The following TP53BP1 variants were observed in gnomAD, a reference collection of about 807,000 sequenced individuals.
The protein encoded by TP53BP1 is TP53-binding protein 1.
A neutral mutation model predicts 200.8 loss-of-function variants in TP53BP1; 61 were observed. The observed-to-expected ratio is 0.30, with a 90% CI of 0.25 to 0.38. The LOEUF is 0.38. TP53BP1 is among the 10% of genes least tolerant of loss of function. The probability of loss-of-function intolerance (pLI) is 1.00; values close to 1 mark genes in which losing one functional copy is unlikely to be tolerated. For synonymous variants in TP53BP1, 822 were observed against 844.3 expected (o/e 0.97, Z 0.46); for missense variants, 2,144 against 2,371.9 (o/e 0.90, Z 2.00).
chr15:43,412,578 G>C, intron 24 of TP53BP1: 1 of 432,466 alleles, frequency 2.3e-6, no homozygotes, highest in East Asian at 7.1e-5. Context: ...AGGTATAAGA[G>C]TTGAAAAGGC....
chr15:43,492,378 T>G lies in TP53BP1; in HGVS notation c.98A>C (p.Glu33Ala). Residue 33 changes from glutamate to alanine, a missense_variant, in exon 2 of 28, where the codon GAA (glutamate) becomes GCA (alanine). Around this residue, in one of 4 missense-constraint regions of TP53BP1, gnomAD observed 1,700 missense variants for 1,710.3 expected, o/e 0.99. Transcript: ENST00000382044. The part of the protein sequence containing the change: ...PCLIIEDSQP[E>A]SQVLEDDSGS... Reference sequence around the variant, plus strand: ...AGAATCATCCTCTAGAACCTGGCTTTCAGGCTGAGAATCTTCAATTATCAG... The same window carrying G: ...AGAATCATCCTCTAGAACCTGGCTTGCAGGCTGAGAATCTTCAATTATCAG... 1 of 1,614,140 alleles carries G rather than the reference T, an allele frequency of 6.2e-7. No individual in the cohort carries two copies. The highest frequency in any genetic ancestry group is 1.3e-5 in the African/African-American group (1 of 75,054).
Position 43,421,148 on chromosome 15 carries a change from C to T in TP53BP1, c.4127G>A (p.Gly1376Glu). The T allele has an allele frequency of 6.2e-7, 1 of 1,614,178 alleles. No homozygotes were observed. The highest frequency in any genetic ancestry group is 1.3e-5 in the African/African-American group (1 of 75,048). ...LSPRKGVSQT[G>E]TPVCEEDGDA... ...ACCATCCTCCTCACACACTGGCGTCCCTGTCTGACTGACCCCTTTTCTAGG... is the reference window on the plus strand; with the variant it reads ...ACCATCCTCCTCACACACTGGCGTCTCTGTCTGACTGACCCCTTTTCTAGG... Residue 1376 changes from glycine (G) to glutamate (E), a missense_variant, in exon 20 of 28, where the codon GGG becomes GAG. By Grantham distance (98) the Gly-to-Glu change is moderately conservative (BLOSUM62 -2). This residue lies in a region of TP53BP1 where 1,700 missense variants were observed against 1,710.3 expected (regional missense o/e 0.99). Transcript: ENST00000382044.
chr15:43,465,708 A>T (rs1187114396), intron 11 of TP53BP1, among the ~76,000 whole-genome samples: 1 of 152,240 alleles, frequency 6.6e-6, no homozygotes, highest in African/African-American at 2.4e-5. Flanking sequence ...GAACACTGGG[A>T]ACGAAGAGAA....
Position 43,456,590 on chromosome 15 carries a change from G to A in TP53BP1, c.2018C>T (p.Pro673Leu). 1 of 1,614,054 alleles carries A rather than the reference G, an allele frequency of 6.2e-7. No individual in the cohort carries two copies. The highest frequency in any genetic ancestry group is 1.1e-5 in the South Asian group (1 of 91,064). The stretch of plus-strand genomic sequence containing the variant: ...TCCTTGACTTTCACAAGGTGTCTCA[G>A]GGATTTCTTCCACCTCAGACCCTGA... ...GSSGSEVEEI[P>L]ETPCESQGEE... The change falls in exon 12 of 28, where the codon CCT (proline) becomes CTT (leucine). Residue 673 changes from proline to leucine, a missense_variant. Pro to Leu is a moderately conservative substitution (Grantham distance 98). Transcript: ENST00000382044.
At chr15:43,509,807 T>C (rs2079261479) in intron 1 of TP53BP1, among the ~76,000 whole-genome samples, 1 of 150,418 alleles carries the variant, frequency 6.6e-6, no homozygotes, top group South Asian at 2.1e-4. Context: ...TCCTGTACTA[T>C]CTCCAAAGCA....
intron 11 of TP53BP1, among the ~76,000 whole-genome samples, chr15:43,466,249 A>G (rs1478647711): frequency 2.0e-5 from 3 of 152,212 alleles, no homozygotes; most frequent in African/African-American, 7.2e-5. Context: ...GGGCAACAGT[A>G]CAGATTAGAA....
intron 17 of TP53BP1, 123 bp downstream of exon 17, chr15:43,432,071 A>T: frequency 7.3e-7 from 1 of 1,375,194 alleles, no homozygotes; most frequent in Non-Finnish European, 9.8e-7. Flanking sequence ...TTTGTCTTTT[A>T]ACCACTGTTC....
At chr15:43,477,826 C>T in intron 7 of TP53BP1, 67 bp from the exon 8 acceptor site, 1 of 1,286,786 alleles carries the variant, frequency 7.8e-7, no homozygotes, top group Non-Finnish European at 1.0e-6. Context: ...AAAAGCTTTT[C>T]CTGTTTTGTG....
chr15:43,420,565 G>T lies in TP53BP1; in HGVS notation c.4421C>A (p.Ala1474Asp). 6.2e-7 allele frequency: 1 copy of T among 1,614,184 alleles called. No individual in the cohort carries two copies. The highest frequency in any genetic ancestry group is 1.1e-5 in the South Asian group (1 of 91,084). ...TAAGCCATCAGAAGGGCCAGCAGCA[G>T]CCTGGAAAGGAATTTCTGGAGAGTC... ...RSDSPEIPFQ[A>D]AAGPSDGLDA... The change falls in exon 21 of 28, where the codon GCT becomes GAT. Residue 1474 changes from alanine to aspartate, a missense_variant. Ala to Asp is a moderately radical substitution (Grantham distance 126). Transcript: ENST00000382044.
At chr15:43,407,638 T>C in intron 27 of TP53BP1, 68 bp from the exon 28 acceptor site, 3 of 1,465,068 alleles carry the variant, frequency 2.0e-6, no homozygotes, top group Middle Eastern at 1.8e-4. Flanking sequence ...GAAAGAGAGA[T>C]TTGATTCTAA....
At chr15:43,507,010 G>T (rs2079240839) in intron 1 of TP53BP1, among the ~76,000 whole-genome samples, 1 of 152,190 alleles carries the variant, frequency 6.6e-6, no homozygotes, top group African/African-American at 2.4e-5. Flanking sequence ...TTAAACCCAA[G>T]AAGATTTGTG....
At chr15:43,483,574 C>T (rs1457492256) in intron 4 of TP53BP1, among the ~76,000 whole-genome samples, 1 of 152,066 alleles carries the variant, frequency 6.6e-6, no homozygotes, top group Non-Finnish European at 1.5e-5. Flanking sequence ...GAGCATTAAG[C>T]GTAACTGTAA....
At chr15:43,499,212 A>C (rs1332989287) in intron 1 of TP53BP1, among the ~76,000 whole-genome samples, 1 of 152,126 alleles carries the variant, frequency 6.6e-6, no homozygotes, top group Non-Finnish European at 1.5e-5. Context: ...GTGTGTGTAC[A>C]TAAAGTAACG....
intron 17 of TP53BP1, among the ~76,000 whole-genome samples, chr15:43,429,349 C>G (rs1026409773): frequency 6.6e-6 from 1 of 152,134 alleles, no homozygotes; most frequent in Non-Finnish European, 1.5e-5. Flanking sequence ...CTAATAACAA[C>G]TATATCACAT....
rs1410224638 is a variant in TP53BP1 at position 43,404,397 on chromosome 15, G to A, written c.*2986C>T. On this transcript the variant is annotated 3_prime_UTR_variant, in exon 28 of 28. Transcript: ENST00000382044. ...TGAGCTGAAGTGGAATGACAGCTGAGTCCTTCTCTCTGCAGGGCTTTAGCC... is the reference window on the plus strand; with the variant it reads ...TGAGCTGAAGTGGAATGACAGCTGAATCCTTCTCTCTGCAGGGCTTTAGCC... The A allele has an allele frequency of 5.6e-6, 9 of 1,613,862 alleles. No individual in the cohort carries two copies. The highest frequency in any genetic ancestry group is 7.6e-6 in the Non-Finnish European group (9 of 1,179,914).
At chr15:43,499,473 C>T (rs1333842067) in intron 1 of TP53BP1, among the ~76,000 whole-genome samples, 1 of 152,136 alleles carries the variant, frequency 6.6e-6, no homozygotes, top group Non-Finnish European at 1.5e-5. Flanking sequence ...AACACAGTGC[C>T]TACTCTTGGA....
chr15:43,477,616 A>G lies in TP53BP1; in HGVS notation c.932T>C (p.Leu311Ser). The G allele has an allele frequency of 6.2e-7, 1 of 1,612,842 alleles. No homozygotes were observed. Among genetic ancestry groups the G allele is most frequent in the Non-Finnish European group, 8.5e-7 (1 of 1,179,648 alleles). The change falls in exon 8 of 28, where the codon TTG becomes TCG. Residue 311 changes from leucine to serine, a missense_variant. By Grantham distance (145) the Leu-to-Ser change is moderately radical. Transcript: ENST00000382044. Reference sequence around the variant, plus strand: ...ACCTGTTTTATTGCTCTGGTCAAACAAGTCTTCCTGAGTTGACAAAACCTC... The same window carrying G: ...ACCTGTTTTATTGCTCTGGTCAAACGAGTCTTCCTGAGTTGACAAAACCTC... ...EPEVLSTQED[L>S]FDQSNKTVSS...
At chr15:43,422,479 A>G (rs921330680) in intron 18 of TP53BP1, among the ~76,000 whole-genome samples, 1 of 152,224 alleles carries the variant, frequency 6.6e-6, no homozygotes, top group African/African-American at 2.4e-5. Flanking sequence ...ATAAGTTCAC[A>G]ACCTCTGGCT....
intron 12 of TP53BP1, among the ~76,000 whole-genome samples, chr15:43,449,459 C>A (rs1289327243): frequency 6.6e-6 from 1 of 152,178 alleles, no homozygotes; most frequent in African/African-American, 2.4e-5. Flanking sequence ...AAATATATCC[C>A]TGTAACAAGG....
Sources: gnomAD v4.1 joint callset for allele counts (sites outside exome capture counted in the v4.1 genomes callset) on GRCh38, gnomAD v4.1.1 for gene constraint, gnomAD v4.1.1 regional missense constraint, MANE v1.5 for transcripts, NCBI Gene and HGNC (gene_info 2026-07-23, HGNC 2026-07-21) for gene names.